The following FOXN3 variants were observed in gnomAD, a reference collection of about 807,000 sequenced individuals.
The protein encoded by FOXN3 is forkhead box N3, also known as forkhead box protein N3.
In FOXN3, 7 loss-of-function variants were observed where a neutral mutation model predicts 38.4. The ratio of observed to expected loss-of-function variants is 0.18; its 90% confidence interval spans 0.10 to 0.34. The LOEUF (loss-of-function observed/expected upper bound fraction) is 0.34, where lower values mean the gene tolerates loss of function less well. Ranked by LOEUF, FOXN3 falls within the 10% of genes least tolerant of loss-of-function variation. The pLI, the probability that FOXN3 is intolerant of heterozygous loss-of-function variation, is 1.00. For synonymous variants in FOXN3, 230 were observed against 242.2 expected (o/e 0.95, Z 0.47); for missense variants, 456 against 613.4 (o/e 0.74, Z 2.71).
In FOXN3 at chr14:89,158,387, G is replaced by C. The variant is rs1387001110; in HGVS notation, c.*4027C>G. On this transcript the variant is annotated 3_prime_UTR_variant, in exon 6 of 6. Coordinates refer to ENST00000557258, the MANE Select transcript of FOXN3 (RefSeq NM_005197.4). ...CCAGCAAGCACTAGACACATTGAATGCCTCTGCAAAACAAAAGAAAACTCT... is the reference window on the plus strand; with the variant it reads ...CCAGCAAGCACTAGACACATTGAATCCCTCTGCAAAACAAAAGAAAACTCT... 4 of 152,420 alleles carry C rather than the reference G, an allele frequency of 2.6e-5. No individual in the cohort carries two copies. Among genetic ancestry groups the C allele is most frequent in the African/African-American group, 9.6e-5 (4 of 41,454 alleles). The allele number at this position is 152,420 out of a possible 1,614,324, so 9.4% of individuals were successfully genotyped here. A position where few individuals can be genotyped will look rare whatever the true frequency, so the allele number is the denominator to read the frequency against.
At chr14:89,254,393 T>C (rs1470816018) in intron 4 of FOXN3, among the ~76,000 whole-genome samples, 1 of 152,040 alleles carries the variant, frequency 6.6e-6, no homozygotes, top group African/African-American at 2.4e-5. Context: ...TGGCTGAGTG[T>C]CTGTAAGGGA....
intron 1 of FOXN3, among the ~76,000 whole-genome samples, chr14:89,604,299 CACCATGAACAA>C (rs946069010): frequency 6.6e-6 from 1 of 151,868 alleles, no homozygotes; most frequent in Non-Finnish European, 1.5e-5. Flanking sequence ...AGAAACAAAG[CACCATGAACAA>C]CAACCAGTGA....
intron 1 of FOXN3, among the ~76,000 whole-genome samples, chr14:89,467,418 A>C (rs1208534669): frequency 6.6e-6 from 1 of 152,198 alleles, no homozygotes; most frequent in Admixed American, 6.5e-5. Flanking sequence ...CAGCTGTTTC[A>C]CTTTAAAATA....
At chr14:89,280,763 G>A (rs1886433753) in intron 4 of FOXN3, among the ~76,000 whole-genome samples, 187 bp downstream of exon 4, 1 of 152,064 alleles carries the variant, frequency 6.6e-6, no homozygotes, top group Non-Finnish European at 1.5e-5. Flanking sequence ...CAGCGACCGA[G>A]AAGCTTGAGT....
intron 3 of FOXN3, among the ~76,000 whole-genome samples, chr14:89,325,362 T>G (rs867590184): frequency 1.4e-4 from 5 of 35,866 alleles, no homozygotes; most frequent in Admixed American, 5.5e-4. Flanking sequence ...CCACCACCAC[T>G]ACCACCACCG....
At chr14:89,227,867 A>C (rs1884689735) in intron 4 of FOXN3, among the ~76,000 whole-genome samples, 1 of 152,214 alleles carries the variant, frequency 6.6e-6, no homozygotes, top group African/African-American at 2.4e-5. Context: ...CTCGGTCCTA[A>C]CAACTGCAAG....
At chr14:89,264,697 G>A (rs553208559) in intron 4 of FOXN3, among the ~76,000 whole-genome samples, 220 of 152,252 alleles carry the variant, frequency 1.4e-3, no homozygotes, top group Non-Finnish European at 2.2e-3. Context: ...AGTTTCCATC[G>A]TCAGGAACCT....
chr14:89,593,133 A>AGGAG (rs141729598), intron 1 of FOXN3, among the ~76,000 whole-genome samples: 4 of 126,700 alleles, frequency 3.2e-5, no homozygotes, highest in African/African-American at 8.8e-5. Flanking sequence ...GAAGGAGGGA[A>AGGAG]GGAGGGAGGG....
intron 4 of FOXN3, among the ~76,000 whole-genome samples, chr14:89,252,717 T>C (rs1885497059): frequency 6.6e-6 from 1 of 151,342 alleles, no homozygotes; most frequent in African/African-American, 2.4e-5. Flanking sequence ...TGTGTGAAGA[T>C]ATGAGGACTC....
chr14:89,168,826 A>G (rs1721665745), intron 5 of FOXN3, among the ~76,000 whole-genome samples: 1 of 152,240 alleles, frequency 6.6e-6, no homozygotes, highest in African/African-American at 2.4e-5. Context: ...GTCAAACTTT[A>G]GAGCAGACAC....
intron 1 of FOXN3, among the ~76,000 whole-genome samples, chr14:89,456,867 C>G (rs1892737870): frequency 6.6e-6 from 1 of 152,210 alleles, no homozygotes; most frequent in Admixed American, 6.5e-5. Context: ...GGGCAAGTCA[C>G]TTAACCTTTC....
In FOXN3 at chr14:89,159,342, G is replaced by T. The variant is rs1162510401; in HGVS notation, c.*3072C>A. ...TCCAAAAACAGAAGAAAAATAGGAA[G>T]AAGTACCCTCACTAAAGGTTCCCCG... On this transcript the variant is annotated 3_prime_UTR_variant, in exon 6 of 6. Coordinates refer to ENST00000557258, the MANE Select transcript of FOXN3 (RefSeq NM_005197.4). The T allele has an allele frequency of 6.6e-6, 1 of 152,588 alleles. No individual in the cohort carries two copies. Among genetic ancestry groups the T allele is most frequent in the Non-Finnish European group, 1.5e-5 (1 of 68,030 alleles). 9.5% of individuals were successfully genotyped at this position (152,588 alleles called of 1,614,324 possible).
At chr14:89,508,209 C>G (rs1347159157) in intron 1 of FOXN3, among the ~76,000 whole-genome samples, 1 of 152,210 alleles carries the variant, frequency 6.6e-6, no homozygotes, top group African/African-American at 2.4e-5. Flanking sequence ...CATAAGGGAC[C>G]TGGCAATAAA....
chr14:89,260,873 T>C (rs2139891444), intron 4 of FOXN3, among the ~76,000 whole-genome samples: 1 of 152,390 alleles, frequency 6.6e-6, no homozygotes, highest in South Asian at 2.1e-4. Context: ...TTATGTATTT[T>C]AGTTGTGTAA....
intron 3 of FOXN3, among the ~76,000 whole-genome samples, chr14:89,304,474 T>C (rs1336230484): frequency 1.3e-5 from 2 of 152,108 alleles, no homozygotes; most frequent in South Asian, 4.1e-4. Flanking sequence ...AAAGATCATA[T>C]AGAAAAGAGA....
In FOXN3 at chr14:89,235,766, G is replaced by C. The variant is rs141480471; in HGVS notation, c.745+45184C>G. ...AGAACCTGACCCGCTGTGGTTGTCT[G>C]TGAAGATGGAGGATGGGGCCACAAG... On this transcript the variant is annotated intron_variant, in intron 4 of 5. Transcript: ENST00000557258. Among the ~76,000 whole-genome samples the C allele has an allele frequency of 1.7e-3, 255 of 152,312 alleles. 2 individuals are homozygous for C. The highest frequency in any genetic ancestry group is 5.9e-3 in the African/African-American group (244 of 41,564).
At chr14:89,252,654 CAAAAAAA>C (rs397827971) in intron 4 of FOXN3, among the ~76,000 whole-genome samples, 6 of 93,954 alleles carry the variant, frequency 6.4e-5, no homozygotes, top group Admixed American at 1.2e-4. Flanking sequence ...AACTCTATCT[CAAAAAAA>C]AAAAAAAAAA....
intron 4 of FOXN3, among the ~76,000 whole-genome samples, chr14:89,210,390 C>T (rs1888490339): frequency 6.6e-6 from 1 of 152,192 alleles, no homozygotes; most frequent in Non-Finnish European, 1.5e-5. Context: ...GAGCACGTGC[C>T]TCCATGCTTC....
intron 1 of FOXN3, among the ~76,000 whole-genome samples, chr14:89,426,574 G>A (rs1038289750): frequency 6.6e-6 from 1 of 151,976 alleles, no homozygotes; most frequent in African/African-American, 2.4e-5. Flanking sequence ...GGGTGAATTC[G>A]CAAATACAAA....
Sources: allele counts gnomAD v4.1 joint callset (sites outside exome capture counted in the v4.1 genomes callset), GRCh38; gene constraint gnomAD v4.1.1; transcripts MANE v1.5; gene names NCBI Gene and HGNC (gene_info 2026-07-23, HGNC 2026-07-21).